The following COL4A1 variants were observed in gnomAD, a reference collection of about 807,000 sequenced individuals.
COL4A1 encodes collagen type IV alpha 1 chain.
A neutral mutation model predicts 216.6 loss-of-function variants in COL4A1; 40 were observed. That is an observed-to-expected ratio of 0.18 (90% confidence interval 0.14 to 0.24). The LOEUF is 0.24. Among genes scored for constraint, COL4A1 ranks in the 10% least tolerant of loss-of-function variants. The pLI is 1.00. For synonymous variants in COL4A1, 839 were observed against 810.7 expected, an observed-to-expected ratio of 1.03 and a Z score of -0.59; for missense variants, 1,628 against 2,196.8, an observed-to-expected ratio of 0.74 and a Z score of 5.18.
chr13:110,213,684 G>T, intron 4 of COL4A1, 98 bp downstream of exon 4: 2 of 1,238,400 alleles, frequency 1.6e-6, no homozygotes, highest in South Asian at 1.2e-5. Flanking sequence ...GGAGATGGAG[G>T]ACGAGGGCAA....
intron 1 of COL4A1, among the ~76,000 whole-genome samples, chr13:110,271,680 G>A (rs903697312): frequency 6.6e-6 from 1 of 152,196 alleles, no homozygotes; most frequent in African/African-American, 2.4e-5. Flanking sequence ...ACAGCTAAAT[G>A]CAATATGGAA....
At chr13:110,270,413 G>A (rs1883203335) in intron 1 of COL4A1, among the ~76,000 whole-genome samples, 1 of 152,168 alleles carries the variant, frequency 6.6e-6, no homozygotes, top group Admixed American at 6.5e-5. Context: ...TTGCCATAAA[G>A]GACCCAAGGT....
intron 1 of COL4A1, among the ~76,000 whole-genome samples, chr13:110,292,259 T>C (rs1223213587): frequency 6.6e-6 from 1 of 152,236 alleles, no homozygotes; most frequent in Admixed American, 6.5e-5. Flanking sequence ...GTCTGTGGCA[T>C]ACATCTCTGA....
At chr13:110,164,161 T>G (rs1877225890) in intron 46 of COL4A1, among the ~76,000 whole-genome samples, 1 of 151,680 alleles carries the variant, frequency 6.6e-6, no homozygotes, top group South Asian at 2.1e-4. Context: ...GCTAATTTTA[T>G]CATTATTATT....
chr13:110,187,366 C>A, intron 24 of COL4A1, 37 bp from the exon 25 acceptor site: 1 of 1,609,546 alleles, frequency 6.2e-7, no homozygotes, highest in African/African-American at 1.3e-5. Flanking sequence ...CAGAAGAACC[C>A]ATCCATGAAG....
chr13:110,201,820 A>G (rs924317198), intron 18 of COL4A1: 1 of 505,642 alleles, frequency 2.0e-6, no homozygotes, highest in South Asian at 1.5e-5. Context: ...CGACTCTACT[A>G]AAAATACAAA....
intron 1 of COL4A1, among the ~76,000 whole-genome samples, chr13:110,256,157 C>T (rs12583583): frequency 0.15 from 22,346 of 152,078 alleles, 2,031 homozygotes; most frequent in Middle Eastern, 0.25. Context: ...ATGAAATCTC[C>T]GGCTAGAGAC....
In COL4A1 at chr13:110,152,568, G is replaced by A. The variant is rs953043304; in HGVS notation, c.4756-62C>T. The A allele has an allele frequency of 1.0e-4, 155 of 1,549,674 alleles. No individual in the cohort carries two copies. In the African/African-American group the frequency reaches 1.3e-3, roughly 13 times the overall value. ...CTCCCCAAACACCAGGAAAGAGATC[G>A]ATCCTTCCCAGGAAGGCGCCAGGGT... On this transcript the variant is annotated intron_variant, in intron 50 of 51. Transcript: ENST00000375820.
At chr13:110,238,170 A>T (rs564786193) in intron 2 of COL4A1, among the ~76,000 whole-genome samples, 1 of 152,202 alleles carries the variant, frequency 6.6e-6, no homozygotes, top group Non-Finnish European at 1.5e-5. Flanking sequence ...CTGCTTCTCT[A>T]TATCTTTGCT....
chr13:110,244,892 G>C (rs1412782271), intron 1 of COL4A1, among the ~76,000 whole-genome samples: 1 of 152,170 alleles, frequency 6.6e-6, no homozygotes, highest in Admixed American at 6.5e-5. Flanking sequence ...TCAATTGTTA[G>C]ATCTATCCCA....
Position 110,150,398 on chromosome 13 carries a change from C to A in COL4A1, c.4975G>T (p.Val1659Phe). 1 of 1,613,994 alleles carries A rather than the reference C, an allele frequency of 6.2e-7. No homozygotes were observed. The highest frequency in any genetic ancestry group is 8.5e-7 in the Non-Finnish European group (1 of 1,180,002). Residue 1659 changes from valine to phenylalanine, a missense_variant, in exon 52 of 52, where the codon GTC becomes TTC. By Grantham distance (50) the Val-to-Phe change is conservative. Coordinates refer to ENST00000375820, the MANE Select transcript of COL4A1 (RefSeq NM_001845.6). Reference protein sequence around the residue: ...TLKAGELRTHVSRCQVCMRRT With the variant: ...TLKAGELRTHFSRCQVCMRRT ...CTCATACAGACTTGGCAGCGGCTGACGTGCGTGCGCAGCTCCCCTGCCTTC... is the reference window on the plus strand; with the variant it reads ...CTCATACAGACTTGGCAGCGGCTGAAGTGCGTGCGCAGCTCCCCTGCCTTC...
Position 110,162,451 on chromosome 13 carries a change from T to A in COL4A1, c.4250-9A>T. On this transcript the variant is annotated splice_polypyrimidine_tract_variant and intron_variant, in intron 47 of 51. Coordinates refer to ENST00000375820, the MANE Select transcript of COL4A1 (RefSeq NM_001845.6). ...TGGAAATCCTCTTGGACCTGGAAGA[T>A]AGGAGACAAATTAGTTTCCCTAATT... is the stretch of plus-strand genomic sequence containing the variant. 6.2e-7 allele frequency: 1 copy of A among 1,608,202 alleles called. No individual in the cohort carries two copies. The highest frequency in any genetic ancestry group is 8.5e-7 in the Non-Finnish European group (1 of 1,174,928).
intron 2 of COL4A1, among the ~76,000 whole-genome samples, chr13:110,235,487 A>G (rs1183462514): frequency 6.6e-6 from 1 of 151,896 alleles, no homozygotes; most frequent in Non-Finnish European, 1.5e-5. Flanking sequence ...CGTCTCTACT[A>G]AAAATACAAA....
intron 1 of COL4A1, among the ~76,000 whole-genome samples, chr13:110,252,883 A>T (rs1336344305): frequency 5.5e-5 from 4 of 73,174 alleles, no homozygotes; most frequent in African/African-American, 1.6e-4. Context: ...GATAACTATA[A>T]GTACGTATGT....
chr13:110,203,644 A>G lies in COL4A1; in HGVS notation c.958-37T>C. On this transcript the variant is annotated intron_variant, in intron 17 of 51. Coordinates refer to ENST00000375820, the MANE Select transcript of COL4A1 (RefSeq NM_001845.6). ...AAAATAACTTTCCTTGCATATTCTT[A>G]CTATAAAGATTGTCTTGCAGAAAGC... 1.9e-6 allele frequency: 3 copies of G among 1,609,142 alleles called. No homozygotes were observed. The Admixed American group carries it at 5.0e-5, about 27-fold the overall frequency.
intron 16 of COL4A1, 28 bp downstream of exon 16, chr13:110,205,466 C>T: frequency 6.2e-7 from 1 of 1,605,850 alleles, no homozygotes; most frequent in East Asian, 2.2e-5. Flanking sequence ...AGTGAGCCTG[C>T]TTGTAAAAAC....
At chr13:110,225,040 C>A (rs1259653344) in intron 2 of COL4A1, among the ~76,000 whole-genome samples, 1 of 149,992 alleles carries the variant, frequency 6.7e-6, no homozygotes, top group Non-Finnish European at 1.5e-5. Context: ...TTTTTTTTTT[C>A]CTTAAAAATG....
intron 2 of COL4A1, among the ~76,000 whole-genome samples, chr13:110,215,030 G>A (rs182529895): frequency 1.1e-3 from 174 of 152,276 alleles, no homozygotes; most frequent in South Asian, 8.1e-3. Flanking sequence ...AACAAATAGC[G>A]AGGTGTTTTT....
chr13:110,252,798 A>G (rs936965245), intron 1 of COL4A1, among the ~76,000 whole-genome samples: 1 of 126,440 alleles, frequency 7.9e-6, no homozygotes, highest in Non-Finnish European at 1.7e-5. Context: ...AGTATGTATT[A>G]CATATACAGA....
Sources: gnomAD v4.1 joint callset for allele counts (sites outside exome capture counted in the v4.1 genomes callset) on GRCh38, gnomAD v4.1.1 for gene constraint, MANE v1.5 for transcripts, NCBI Gene and HGNC (gene_info 2026-07-23, HGNC 2026-07-21) for gene names.